GLB1: variants seen among roughly 807,000 people sequenced by gnomAD.
GLB1 encodes beta-galactosidase.
Under a neutral mutation model 74.0 loss-of-function variants are expected in GLB1, and 56 were observed. That is an observed-to-expected ratio of 0.76 (90% CI 0.61 to 0.94). The LOEUF (loss-of-function observed/expected upper bound fraction) is 0.94. GLB1 is among the 40% of genes least tolerant of loss of function. The probability of loss-of-function intolerance (pLI) is 0.00; values close to 1 mark genes in which losing one functional copy is unlikely to be tolerated. For missense variants in GLB1, 787 were observed against 845.5 expected (o/e 0.93, Z 0.86); for synonymous variants, 323 against 323.6 (o/e 1.00, Z 0.02).
At chr3:33,074,377 G>GAAAGAAAAAGAAAGAAAGAAAGA (rs1559412898) in intron 1 of GLB1, among the ~76,000 whole-genome samples, 1 of 8,192 alleles carries the variant, frequency 1.2e-4, no homozygotes, top group African/African-American at 2.1e-4. Context: ...AGGAAGGAAG[G>GAAAGAAAAAGAAAGAAAGAAAGA]AAGGAAGGAA....
chr3:33,028,513 C>T (rs115877870), intron 10 of GLB1, among the ~76,000 whole-genome samples: 2,604 of 151,982 alleles, frequency 0.017, 84 homozygotes, highest in African/African-American at 0.059. Flanking sequence ...AACTTCATGT[C>T]TATAGCATTA....
intron 12 of GLB1, 129 bp from the exon 13 acceptor site, chr3:33,018,690 G>GA: frequency 1.0e-6 from 1 of 983,382 alleles, no homozygotes; most frequent in Non-Finnish European, 1.5e-6. Context: ...TCCACCTCCC[G>GA]AAAAAATTAA....
rs768479459 is a variant in GLB1, at chr3:33,077,146, T to C, written c.76-4433A>G. On this transcript the variant is annotated intron_variant, in intron 1 of 15. Transcript: ENST00000307363. ...ACTCCTGTTGCTGCTTGCGTGCTCA[T>C]TCGGTGCAGTCTTGGTACCTCTTTT... The C allele has an allele frequency of 2.1e-6, 3 of 1,441,200 alleles. 1 individual carries two copies. In the South Asian group the frequency reaches 3.6e-5, roughly 17 times the overall value. 89.3% of individuals were successfully genotyped at this position (1,441,200 alleles called of 1,614,324 possible). A position where few individuals can be genotyped will look rare whatever the true frequency, so the allele number is the denominator to read the frequency against.
In GLB1 at chr3:33,018,430, T is replaced by C. The variant is rs766637186; in HGVS notation, c.1347+18A>G. 1 of 1,612,604 alleles carries C rather than the reference T, an allele frequency of 6.2e-7. No individual in the cohort carries two copies. The highest frequency in any genetic ancestry group is 8.5e-7 in the Non-Finnish European group (1 of 1,179,418). On this transcript the variant is annotated intron_variant, in intron 13 of 15. Coordinates refer to ENST00000307363, the MANE Select transcript of GLB1 (RefSeq NM_000404.4). ...ACCCTCACTGGGACAAAACGCACAG[T>C]TCAGAGACGATTCTTACCCCATCCA...
intron 9 of GLB1, among the ~76,000 whole-genome samples, chr3:33,049,484 T>G (rs564875467): frequency 9.8e-5 from 15 of 152,290 alleles, no homozygotes; most frequent in African/African-American, 3.1e-4. Context: ...TGGCACGATC[T>G]CAGCTCACTG....
At chr3:33,092,601 T>C in intron 1 of GLB1, 1 of 1,334,120 alleles carries the variant, frequency 7.5e-7, no homozygotes, top group Non-Finnish European at 9.6e-7. Context: ...TATGTGACCT[T>C]AGTGATCTCA....
intron 6 of GLB1, among the ~76,000 whole-genome samples, chr3:33,054,472 A>G (rs1210142381): frequency 6.6e-6 from 1 of 152,178 alleles, no homozygotes; most frequent in Non-Finnish European, 1.5e-5. Flanking sequence ...GCCTGGACAC[A>G]TATCTTGTGG....
intron 2 of GLB1, among the ~76,000 whole-genome samples, chr3:33,070,411 C>T (rs35026670): frequency 0.17 from 25,424 of 152,136 alleles, 2,382 homozygotes; most frequent in African/African-American, 0.22. Context: ...GACCTTCCCG[C>T]TTGGCAGCCT....
chr3:32,979,727 C>T, the GLB1 span, among the ~76,000 whole-genome samples: 1 of 151,418 alleles, frequency 6.6e-6, no homozygotes, highest in Non-Finnish European at 1.5e-5. Context: ...TGGCATGTGC[C>T]TGTTGTCCCT....
chr3:33,048,404 T>C (rs1489812279), intron 9 of GLB1, among the ~76,000 whole-genome samples: 1 of 152,156 alleles, frequency 6.6e-6, no homozygotes, highest in East Asian at 1.9e-4. Flanking sequence ...GTGAAAGAAA[T>C]GGTGAGACTT....
intron 15 of GLB1, among the ~76,000 whole-genome samples, chr3:33,002,984 G>C (rs989688409): frequency 1.6e-4 from 24 of 152,154 alleles, no homozygotes; most frequent in Non-Finnish European, 2.9e-4. Flanking sequence ...CCTCTTACAA[G>C]GCTTGCTTAG....
chr3:33,028,665 A>ATTTTT (rs199938060), intron 10 of GLB1, among the ~76,000 whole-genome samples: 1 of 148,274 alleles, frequency 6.7e-6, no homozygotes. Context: ...TTTACCCAAA[A>ATTTTT]ATTTTTTTTT....
chr3:33,031,262 C>T (rs1163492984), intron 10 of GLB1, among the ~76,000 whole-genome samples: 1 of 152,068 alleles, frequency 6.6e-6, no homozygotes, highest in Non-Finnish European at 1.5e-5. Context: ...GGGATATCTA[C>T]CATCCAATTT....
intron 15 of GLB1, among the ~76,000 whole-genome samples, chr3:33,013,569 G>T (rs1697113332): frequency 6.6e-6 from 1 of 152,162 alleles, no homozygotes; most frequent in South Asian, 2.1e-4. Context: ...AAACGACAAG[G>T]CGGAGTGACT....
rs928245972 is a variant in GLB1, at chr3:33,085,295, C to CGA, written c.75+11714_75+11715dup. On this transcript the variant is annotated intron_variant, in intron 1 of 15. Coordinates refer to ENST00000307363, the MANE Select transcript of GLB1 (RefSeq NM_000404.4). ...GTTTCAAAAAAAAAAAAAAAAAAAG[C>CGA]GAGAGAGAGAGAAACAAACATAAAA... Among the ~76,000 whole-genome samples the CGA allele has an allele frequency of 1.3e-4, 16 of 123,820 alleles. No homozygotes were observed. In the South Asian group the frequency reaches 1.6e-3, roughly 12 times the overall value. The allele number at this position is 123,820 out of a possible 152,430, so 81.2% of individuals were successfully genotyped here.
In GLB1 at chr3:33,093,826, C is replaced by A. The variant is rs1027569592; in HGVS notation, c.75+3185G>T. On this transcript the variant is annotated intron_variant, in intron 1 of 15. Coordinates refer to ENST00000307363, the MANE Select transcript of GLB1 (RefSeq NM_000404.4). This position sits in a 1 kb window ranked among gnomAD's most constrained non-coding sequence, Gnocchi z 6.0. Reference sequence around the variant, plus strand: ...AGGAAGAAGAGCATGATGATGTAAGCACCCAGGCAGGAGTAGGCCGCCAAG... The same window carrying A: ...AGGAAGAAGAGCATGATGATGTAAGAACCCAGGCAGGAGTAGGCCGCCAAG... 4 of 1,613,520 alleles carry A rather than the reference C, an allele frequency of 2.5e-6. No individual in the cohort carries two copies. In the Admixed American group the frequency reaches 6.7e-5, roughly 27 times the overall value.
At chr3:33,042,319 A>C (rs539256926) in intron 10 of GLB1, among the ~76,000 whole-genome samples, 20 of 150,072 alleles carry the variant, frequency 1.3e-4, no homozygotes, top group Admixed American at 3.3e-4. Flanking sequence ...ATGGCCTGTA[A>C]TGCTCCATGT....
At chr3:32,994,381 A>G (rs1250048909), downstream of GLB1, among the ~76,000 whole-genome samples, 2 of 152,242 alleles carry the variant, frequency 1.3e-5, no homozygotes, top group Non-Finnish European at 2.9e-5. Context: ...AGGTTTAGAT[A>G]GTAGGTAATA....
At chr3:32,969,400 A>G in the GLB1 span, among the ~76,000 whole-genome samples, 20 of 152,242 alleles carry the variant, frequency 1.3e-4, no homozygotes, top group Admixed American at 1.2e-3. Flanking sequence ...AGTAACAAGG[A>G]AGAAATTCTA....
Sources: allele counts gnomAD v4.1 joint callset (sites outside exome capture counted in the v4.1 genomes callset), GRCh38; gene constraint gnomAD v4.1.1; non-coding constraint Gnocchi (gnomAD v3.1); transcripts MANE v1.5; gene names NCBI Gene and HGNC (gene_info 2026-07-23, HGNC 2026-07-21).